DENND1B: variants seen among roughly 807,000 people sequenced by gnomAD.
DENND1B encodes the protein DENN domain-containing protein 1B.
DENND1B carries 59 observed loss-of-function variants against 90.1 expected under a neutral mutation model. The observed-to-expected ratio is 0.65, with a 90% CI of 0.53 to 0.81. DENND1B has a LOEUF of 0.81. Ranked by LOEUF, DENND1B falls within the 40% of genes least tolerant of loss-of-function variation. The probability of loss-of-function intolerance (pLI) is 0.00; values close to 1 mark genes in which losing one functional copy is unlikely to be tolerated. For synonymous variants in DENND1B, 337 were observed against 324.6 expected (o/e 1.04, Z -0.41); for missense variants, 862 against 912.6 (o/e 0.94, Z 0.71).
At chr1:197,575,644 G>C (rs1017329262) in intron 15 of DENND1B, among the ~76,000 whole-genome samples, 4 of 152,178 alleles carry the variant, frequency 2.6e-5, no homozygotes, top group African/African-American at 9.7e-5. Flanking sequence ...TATGTTTATT[G>C]CGGCACCATT....
intron 11 of DENND1B, among the ~76,000 whole-genome samples, chr1:197,613,841 TA>T (rs942299242): frequency 2.0e-5 from 3 of 150,964 alleles, no homozygotes; most frequent in Non-Finnish European, 3.0e-5. Flanking sequence ...AGATTTATAA[TA>T]CAGAAAAGCC....
chr1:197,754,053 C>T (rs1478865239), intron 2 of DENND1B, among the ~76,000 whole-genome samples: 2 of 151,350 alleles, frequency 1.3e-5, no homozygotes, highest in Non-Finnish European at 2.9e-5. Context: ...TTTTAAAATA[C>T]ATATAGGACT....
rs1158796609 is a variant in DENND1B, at chr1:197,505,464, A to G, written c.*4996T>C. 6.6e-6 allele frequency: 1 copy of G among 151,712 alleles called. No homozygotes were observed. The highest frequency in any genetic ancestry group is 1.5e-5 in the Non-Finnish European group (1 of 67,758). 9.4% of individuals were successfully genotyped at this position (151,712 alleles called of 1,614,324 possible). A position where few individuals can be genotyped will look rare whatever the true frequency, so the allele number is the denominator to read the frequency against. ...ATCATTTGTGACTTTCCAATATTTT[A>G]AAATAAAAGATTGAATAACTTTACT... is the stretch of plus-strand genomic sequence containing the variant. On this transcript the variant is annotated 3_prime_UTR_variant, in exon 23 of 23. Coordinates refer to ENST00000620048, the MANE Select transcript of DENND1B (RefSeq NM_001195215.2).
intron 10 of DENND1B, among the ~76,000 whole-genome samples, chr1:197,640,270 C>T (rs1028114971): frequency 9.2e-5 from 14 of 151,896 alleles, no homozygotes; most frequent in Non-Finnish European, 1.3e-4. Flanking sequence ...GTTAGGAGTT[C>T]GAGACCAGCC....
chr1:197,717,767 C>G (rs1660777243), intron 2 of DENND1B, among the ~76,000 whole-genome samples: 2 of 151,796 alleles, frequency 1.3e-5, no homozygotes, highest in African/African-American at 4.8e-5. Context: ...TGGCCCTTAA[C>G]TGAAAACAAA....
intron 3 of DENND1B, chr1:197,690,273 G>C: frequency 4.0e-6 from 1 of 248,596 alleles, no homozygotes. Flanking sequence ...GGAAGCAGCT[G>C]ACTGCACTGC....
intron 15 of DENND1B, among the ~76,000 whole-genome samples, chr1:197,572,193 A>G (rs1014655361): frequency 1.1e-4 from 17 of 152,124 alleles, no homozygotes; most frequent in African/African-American, 3.9e-4. Context: ...TGTACCTGGA[A>G]AAACGGGACA....
chr1:197,769,144 T>C (rs556157560), intron 2 of DENND1B, among the ~76,000 whole-genome samples: 2 of 152,324 alleles, frequency 1.3e-5, no homozygotes, highest in South Asian at 4.1e-4. Flanking sequence ...AAACCAAATT[T>C]ACTCTAAATA....
At chr1:197,737,759 T>C (rs1029753850) in intron 2 of DENND1B, among the ~76,000 whole-genome samples, 3 of 151,114 alleles carry the variant, frequency 2.0e-5, no homozygotes, top group Non-Finnish European at 4.4e-5. Context: ...AATTGGTGAA[T>C]TTAAAAATAA....
At chr1:197,650,334 G>T (rs1162978057) in intron 7 of DENND1B, among the ~76,000 whole-genome samples, 1 of 152,114 alleles carries the variant, frequency 6.6e-6, no homozygotes, top group African/African-American at 2.4e-5. Context: ...ATATTAAACT[G>T]ATCACCTGAT....
At chr1:197,584,202 C>T (rs1558271306) in intron 14 of DENND1B, among the ~76,000 whole-genome samples, 1 of 151,972 alleles carries the variant, frequency 6.6e-6, no homozygotes. Flanking sequence ...AAGGAAGACT[C>T]AATATTATTA....
At chr1:197,631,819 A>G (rs554391297) in intron 10 of DENND1B, among the ~76,000 whole-genome samples, 2 of 152,186 alleles carry the variant, frequency 1.3e-5, no homozygotes, top group South Asian at 2.1e-4. Flanking sequence ...ATATATGTGA[A>G]TATCTGTATG....
intron 18 of DENND1B, chr1:197,545,589 A>T (rs182031230): frequency 4.8e-4 from 100 of 209,394 alleles, no homozygotes; most frequent in Middle Eastern, 3.4e-3. Context: ...CTTGAGCCGC[A>T]AGTACACAGC....
chr1:197,542,972 T>C (rs556945501), intron 18 of DENND1B, among the ~76,000 whole-genome samples: 2 of 152,250 alleles, frequency 1.3e-5, no homozygotes, highest in South Asian at 2.1e-4. Context: ...TCTCACTTTG[T>C]GGCCCAGGCT....
intron 20 of DENND1B, among the ~76,000 whole-genome samples, chr1:197,519,026 C>T (rs1263316409): frequency 2.0e-5 from 3 of 151,762 alleles, no homozygotes; most frequent in South Asian, 4.2e-4. Flanking sequence ...GAAAGACTGA[C>T]GGTAATGCAA....
chr1:197,617,531 C>T (rs748474812), intron 11 of DENND1B, 128 bp downstream of exon 11: 161 of 650,448 alleles, frequency 2.5e-4, no homozygotes, highest in Admixed American at 2.0e-3. Flanking sequence ...GCCATCTTTA[C>T]TATTTATTAA....
intron 2 of DENND1B, among the ~76,000 whole-genome samples, chr1:197,742,572 A>T (rs1663316733): frequency 6.6e-6 from 1 of 152,200 alleles, no homozygotes; most frequent in African/African-American, 2.4e-5. Context: ...AACTGTACAA[A>T]ATATTTGAAA....
At chr1:197,688,940 G>A (rs1240274984) in intron 3 of DENND1B, 3 of 215,362 alleles carry the variant, frequency 1.4e-5, no homozygotes, top group Middle Eastern at 5.2e-3. Flanking sequence ...CTGGGTCTTG[G>A]ATAAATTGAA....
intron 20 of DENND1B, among the ~76,000 whole-genome samples, chr1:197,517,558 G>T (rs1558193224): frequency 6.6e-6 from 1 of 151,832 alleles, no homozygotes; most frequent in East Asian, 1.9e-4. Context: ...AAAATACGTA[G>T]TAACTGCCTA....
Sources: gnomAD v4.1 joint callset for allele counts (sites outside exome capture counted in the v4.1 genomes callset) on GRCh38, gnomAD v4.1.1 for gene constraint, MANE v1.5 for transcripts, NCBI Gene and HGNC (gene_info 2026-07-23, HGNC 2026-07-21) for gene names.